The following ZCCHC7 variants were observed in gnomAD, a reference collection of about 807,000 sequenced individuals.
The protein encoded by ZCCHC7 is zinc finger CCHC-type containing 7, also known as zinc finger CCHC domain-containing protein 7.
In ZCCHC7, 35 loss-of-function variants were observed where a neutral mutation model predicts 52.0. The ratio of observed to expected loss-of-function variants is 0.67; its 90% CI spans 0.51 to 0.89. The LOEUF (loss-of-function observed/expected upper bound fraction) is 0.89. Ranked by LOEUF, ZCCHC7 falls within the 40% of genes least tolerant of loss-of-function variation. The pLI, the probability that ZCCHC7 is intolerant of heterozygous loss-of-function variation, is 0.00. For missense variants in ZCCHC7, 574 were observed against 649.1 expected (o/e 0.88, Z 1.26); for synonymous variants, 217 against 221.5 (o/e 0.98, Z 0.18).
intron 2 of ZCCHC7, among the ~76,000 whole-genome samples, chr9:37,156,253 T>G (rs1253391517): frequency 1.3e-5 from 2 of 152,248 alleles, no homozygotes; most frequent in African/African-American, 4.8e-5. Context: ...TTTCTTTGAT[T>G]TAAGCCATTT....
intron 2 of ZCCHC7, among the ~76,000 whole-genome samples, chr9:37,237,088 T>C (rs910664213): frequency 5.9e-5 from 9 of 152,200 alleles, no homozygotes; most frequent in Admixed American, 5.9e-4. Flanking sequence ...TTGAAACCAG[T>C]ACTAGTCAAG....
intron 2 of ZCCHC7, among the ~76,000 whole-genome samples, chr9:37,249,538 G>T (rs570801341): frequency 4.4e-5 from 6 of 137,214 alleles, no homozygotes; most frequent in Non-Finnish European, 7.6e-5. Flanking sequence ...TGCAACCTCC[G>T]CATCCTGGGT....
At chr9:37,143,243 T>C (rs1843304685) in intron 2 of ZCCHC7, among the ~76,000 whole-genome samples, 1 of 151,836 alleles carries the variant, frequency 6.6e-6, no homozygotes, top group African/African-American at 2.4e-5. Context: ...TAAAACTGAA[T>C]GGCTAAACCT....
In ZCCHC7 at chr9:37,211,983, C is replaced by T. The variant is rs187015847; in HGVS notation, c.610+85041C>T. Among the ~76,000 whole-genome samples, 546 of 129,852 alleles carry T rather than the reference C, an allele frequency of 4.2e-3. 14 individuals are homozygous for T. In the Admixed American group the frequency reaches 0.046, roughly 11 times the overall value. The allele number at this position is 129,852 out of a possible 152,430, so 85.2% of individuals were successfully genotyped here. A position where few individuals can be genotyped will look rare whatever the true frequency, so the allele number is the denominator to read the frequency against. On this transcript the variant is annotated intron_variant, in intron 2 of 8. Coordinates refer to ENST00000336755, the MANE Select transcript of ZCCHC7 (RefSeq NM_032226.3). ...CGGAGCTTGCAGTGAGCCGAGATGG[C>T]GCCACTGCACTCCAGCCTGGGTGAC...
At chr9:37,180,686 A>T (rs570618686) in intron 2 of ZCCHC7, among the ~76,000 whole-genome samples, 31 of 152,266 alleles carry the variant, frequency 2.0e-4, no homozygotes, top group African/African-American at 6.5e-4. Flanking sequence ...ATAAATTGCA[A>T]ACTCTTATTT....
intron 2 of ZCCHC7, among the ~76,000 whole-genome samples, chr9:37,298,587 A>G (rs1440414377): frequency 6.6e-6 from 1 of 152,196 alleles, no homozygotes; most frequent in African/African-American, 2.4e-5. Context: ...AAACAAATCT[A>G]TCGTGAGAGA....
intron 2 of ZCCHC7, among the ~76,000 whole-genome samples, chr9:37,229,776 C>G (rs1825310261): frequency 6.6e-6 from 1 of 152,132 alleles, no homozygotes; most frequent in African/African-American, 2.4e-5. Flanking sequence ...ATAGATTAAA[C>G]TATGCCAGTT....
At chr9:37,293,944 CAT>C (rs745595701) in intron 2 of ZCCHC7, among the ~76,000 whole-genome samples, 42 of 152,236 alleles carry the variant, frequency 2.8e-4, no homozygotes, top group Admixed American at 5.9e-4. Context: ...CTTTTACACA[CAT>C]GTTAAAAATA....
intron 2 of ZCCHC7, among the ~76,000 whole-genome samples, chr9:37,301,079 A>AT (rs1472991099): frequency 2.0e-5 from 3 of 152,160 alleles, no homozygotes; most frequent in South Asian, 2.1e-4. Context: ...TCAGAGTCTA[A>AT]TTTTTTTATT....
intron 2 of ZCCHC7, among the ~76,000 whole-genome samples, chr9:37,171,719 C>G (rs1171258795): frequency 6.6e-6 from 1 of 152,154 alleles, no homozygotes; most frequent in Non-Finnish European, 1.5e-5. Flanking sequence ...GACTCTTCTT[C>G]CCTGCAGATA....
At chr9:37,185,029 C>A (rs74921831) in intron 2 of ZCCHC7, among the ~76,000 whole-genome samples, 4,762 of 152,172 alleles carry the variant, frequency 0.031, 175 homozygotes, top group African/African-American at 0.079. Flanking sequence ...CCTATTGGAA[C>A]TTGCTGAGAT....
At chr9:37,133,262 C>T (rs1842865822) in intron 2 of ZCCHC7, among the ~76,000 whole-genome samples, 1 of 152,140 alleles carries the variant, frequency 6.6e-6, no homozygotes, top group Admixed American at 6.5e-5. Flanking sequence ...TTAACATACC[C>T]ATACAATGTA....
chr9:37,253,043 A>G (rs770364059), intron 2 of ZCCHC7, among the ~76,000 whole-genome samples: 9 of 152,088 alleles, frequency 5.9e-5, no homozygotes, highest in Non-Finnish European at 1.2e-4. Context: ...TTCATTTAAA[A>G]CAACTCATAT....
chr9:37,331,556 GT>G, intron 6 of ZCCHC7, among the ~76,000 whole-genome samples: 1 of 151,710 alleles, frequency 6.6e-6, no homozygotes, highest in East Asian at 1.9e-4. Flanking sequence ...GAATAAGAAG[GT>G]GGTTTTGGTT....
intron 2 of ZCCHC7, among the ~76,000 whole-genome samples, chr9:37,239,406 T>C (rs1466630216): frequency 6.6e-6 from 1 of 152,178 alleles, no homozygotes; most frequent in African/African-American, 2.4e-5. Context: ...CTTTGTTGGC[T>C]TGTTCATCTA....
At chr9:37,343,085 T>C (rs971592865) in intron 6 of ZCCHC7, among the ~76,000 whole-genome samples, 3 of 152,256 alleles carry the variant, frequency 2.0e-5, no homozygotes, top group African/African-American at 7.2e-5. Flanking sequence ...GTACTGTCTC[T>C]GTGAACACGA....
chr9:37,217,602 G>A (rs976961883), intron 2 of ZCCHC7, among the ~76,000 whole-genome samples: 1 of 152,010 alleles, frequency 6.6e-6, no homozygotes, highest in African/African-American at 2.4e-5. Context: ...AAAAAAATCC[G>A]TGTGATTATT....
At chr9:37,347,339 CTT>C (rs1182430477) in intron 6 of ZCCHC7, among the ~76,000 whole-genome samples, 1 of 152,202 alleles carries the variant, frequency 6.6e-6, no homozygotes, top group Non-Finnish European at 1.5e-5. Context: ...CAATATATAA[CTT>C]CTCTCTCCTA....
intron 4 of ZCCHC7, among the ~76,000 whole-genome samples, chr9:37,305,229 C>T (rs1486098140): frequency 6.6e-6 from 1 of 152,190 alleles, no homozygotes. Flanking sequence ...TCTGTTCCTC[C>T]TATGACTTAG....
Sources: gnomAD v4.1 joint callset for allele counts (sites outside exome capture counted in the v4.1 genomes callset) on GRCh38, gnomAD v4.1.1 for gene constraint, MANE v1.5 for transcripts, NCBI Gene and HGNC (gene_info 2026-07-23, HGNC 2026-07-21) for gene names.